MIER3: variants seen among roughly 807,000 people sequenced by gnomAD.
The protein encoded by MIER3 is mesoderm induction early response protein 3.
Under a neutral mutation model 63.2 loss-of-function variants are expected in MIER3, and 9 were observed. The observed-to-expected ratio is 0.14, with a 90% CI of 0.09 to 0.25. The LOEUF is 0.25. Among genes scored for constraint, MIER3 ranks in the 10% least tolerant of loss-of-function variants. MIER3 has a pLI of 1.00. For missense variants in MIER3, 512 were observed against 666.2 expected (o/e 0.77, Z 2.55); for synonymous variants, 205 against 224.9 (o/e 0.91, Z 0.79).
In MIER3 at chr5:56,922,936, T is replaced by C. The variant is rs1749742411; in HGVS notation, c.*192A>G. On this transcript the variant is annotated 3_prime_UTR_variant, in exon 13 of 13. Coordinates refer to ENST00000381199, the MANE Select transcript of MIER3 (RefSeq NM_001297599.2). ...TCTTAGTTCCCAACTCTGCTGATCA[T>C]AGTTCATTTCCACATTTATGGATTG... 5.1e-6 allele frequency: 3 copies of C among 590,324 alleles called. No homozygotes were observed. The highest frequency in any genetic ancestry group is 1.9e-5 in the African/African-American group (1 of 53,636). 36.6% of individuals were successfully genotyped at this position (590,324 alleles called of 1,614,324 possible).
At chr5:56,932,860 T>A (rs547870713) in intron 8 of MIER3, among the ~76,000 whole-genome samples, 1 of 152,068 alleles carries the variant, frequency 6.6e-6, no homozygotes, top group Non-Finnish European at 1.5e-5. Flanking sequence ...ATTACAAGTA[T>A]AGGATAAGTA....
intron 5 of MIER3, among the ~76,000 whole-genome samples, chr5:56,937,211 G>A (rs1750477284): frequency 6.6e-6 from 1 of 152,070 alleles, no homozygotes; most frequent in Non-Finnish European, 1.5e-5. Flanking sequence ...AAGTAGCTGG[G>A]ATTACAAGTG....
intron 7 of MIER3, 98 bp downstream of exon 7, chr5:56,935,330 T>C (rs1366976085): frequency 1.1e-6 from 1 of 885,096 alleles, no homozygotes; most frequent in Non-Finnish European, 1.7e-6. Context: ...AATCTATCTA[T>C]CTATTGCCAA....
At chr5:56,929,107 G>T in intron 9 of MIER3, 1 of 333,560 alleles carries the variant, frequency 3.0e-6, no homozygotes, top group South Asian at 1.3e-4. Flanking sequence ...TATAAACACT[G>T]CTTTTTTTCC....
At chr5:56,923,660 T>A in intron 12 of MIER3, 31 bp downstream of exon 12, 1 of 1,613,792 alleles carries the variant, frequency 6.2e-7, no homozygotes, top group East Asian at 2.2e-5. Flanking sequence ...TGCAACAAAC[T>A]GTACTAAATG....
chr5:56,952,069 G>A (rs1166701989), intron 1 of MIER3, 25 bp downstream of exon 1: 3 of 1,293,826 alleles, frequency 2.3e-6, no homozygotes, highest in South Asian at 3.6e-5. Flanking sequence ...CAGCCCGGCT[G>A]CTCCTGCCCG....
rs1483957778 is a variant in MIER3, at chr5:56,921,726, G to GT, written c.*1401dup. On this transcript the variant is annotated 3_prime_UTR_variant, in exon 13 of 13. Coordinates refer to ENST00000381199, the MANE Select transcript of MIER3 (RefSeq NM_001297599.2). ...ATATTAGCAATGCAGCCAAACATTTGTTTTTTGCAAAGCAACTAGTAAAAA... is the reference window on the plus strand; with the variant it reads ...ATATTAGCAATGCAGCCAAACATTTGTTTTTTTGCAAAGCAACTAGTAAAAA... The GT allele has an allele frequency of 6.6e-6, 1 of 152,536 alleles. No homozygotes were observed. Among genetic ancestry groups the GT allele is most frequent in the African/African-American group, 2.4e-5 (1 of 41,428 alleles). The allele number at this position is 152,536 out of a possible 1,614,324, so 9.4% of individuals were successfully genotyped here. A position where few individuals can be genotyped will look rare whatever the true frequency, so the allele number is the denominator to read the frequency against.
chr5:56,940,426 C>T (rs1750604349), intron 3 of MIER3, among the ~76,000 whole-genome samples: 2 of 152,210 alleles, frequency 1.3e-5, no homozygotes, highest in South Asian at 4.1e-4. Flanking sequence ...AGTGATGATT[C>T]CTTAGAGGGC....
intron 10 of MIER3, among the ~76,000 whole-genome samples, chr5:56,926,266 C>CTT (rs916094744): frequency 6.6e-6 from 1 of 151,736 alleles, no homozygotes; most frequent in African/African-American, 2.4e-5. Context: ...AAATTAAAAA[C>CTT]TTTTACTCTG....
intron 3 of MIER3, among the ~76,000 whole-genome samples, chr5:56,944,957 A>G (rs79579699): frequency 0.012 from 1,868 of 152,192 alleles, 42 homozygotes; most frequent in African/African-American, 0.043. Context: ...TCAGCCTCCC[A>G]AAGTGTTGAG....
intron 4 of MIER3, 62 bp downstream of exon 4, chr5:56,938,821 T>TTTAA: frequency 6.4e-7 from 1 of 1,553,804 alleles, no homozygotes; most frequent in South Asian, 1.2e-5. Context: ...ATACTTTAAA[T>TTTAA]GGAAGTAAAA....
chr5:56,950,264 T>C (rs750227282), intron 2 of MIER3, among the ~76,000 whole-genome samples: 2 of 152,104 alleles, frequency 1.3e-5, no homozygotes, highest in African/African-American at 4.8e-5. Context: ...TTCTGACAAA[T>C]TACTCAATCT....
chr5:56,938,366 A>T (rs1368136882), intron 4 of MIER3: 1 of 470,898 alleles, frequency 2.1e-6, no homozygotes, highest in Non-Finnish European at 4.4e-6. Context: ...GTTCCCAGGG[A>T]TCTGTTAGCA....
intron 1 of MIER3, 48 bp from the exon 2 acceptor site, chr5:56,950,700 A>G (rs1335769330): frequency 6.2e-7 from 1 of 1,608,426 alleles, no homozygotes; most frequent in Admixed American, 1.7e-5. Context: ...CAGCCAGGGA[A>G]AGAGGCAGCG....
chr5:56,951,128 A>C (rs1751010496), intron 1 of MIER3, among the ~76,000 whole-genome samples: 1 of 152,116 alleles, frequency 6.6e-6, no homozygotes, highest in African/African-American at 2.4e-5. Flanking sequence ...TCCGAAGCCG[A>C]TCTCTTCCCC....
At chr5:56,929,034 A>C (rs1349379490) in intron 9 of MIER3, 173 bp from the exon 10 acceptor site, 1 of 496,438 alleles carries the variant, frequency 2.0e-6, no homozygotes, top group African/African-American at 2.0e-5. Flanking sequence ...CTCTGTATGC[A>C]GGAGATTTCA....
At position 56,922,248 on chromosome 5, in the gene MIER3, G is replaced by T. The variant is rs2112058506; in HGVS notation, c.*880C>A. On this transcript the variant is annotated 3_prime_UTR_variant, in exon 13 of 13. Transcript: ENST00000381199. ...TGCCTCTGCAAGTCGACTGCCTCAG[G>T]ATAAACTAAATTATCAATGACTGGT... is the stretch of plus-strand genomic sequence containing the variant. 6.6e-6 allele frequency: 1 copy of T among 152,660 alleles called. No homozygotes were observed. Among genetic ancestry groups the T allele is most frequent in the East Asian group, 1.9e-4 (1 of 5,186 alleles). The allele number at this position is 152,660 out of a possible 1,614,324, so 9.5% of individuals were successfully genotyped here. A position where few individuals can be genotyped will look rare whatever the true frequency, so the allele number is the denominator to read the frequency against.
intron 10 of MIER3, among the ~76,000 whole-genome samples, chr5:56,927,326 T>C (rs1750041464): frequency 6.6e-6 from 1 of 152,112 alleles, no homozygotes; most frequent in Non-Finnish European, 1.5e-5. Context: ...GATATAATAA[T>C]AACTATAGGA....
intron 10 of MIER3, chr5:56,927,827 A>G (rs1177783842): frequency 6.6e-6 from 1 of 152,232 alleles, no homozygotes; most frequent in Non-Finnish European, 1.5e-5. Flanking sequence ...ATCATCATAC[A>G]GGGTAGTTTC....
Sources: gnomAD v4.1 joint callset for allele counts (sites outside exome capture counted in the v4.1 genomes callset) on GRCh38, gnomAD v4.1.1 for gene constraint, MANE v1.5 for transcripts, NCBI Gene and HGNC (gene_info 2026-07-23, HGNC 2026-07-21) for gene names.